The following LTN1 variants were observed in gnomAD, a reference collection of about 807,000 sequenced individuals.
LTN1 encodes the protein E3 ubiquitin-protein ligase listerin.
Under a neutral mutation model 201.2 loss-of-function variants are expected in LTN1, and 88 were observed. The observed-to-expected ratio is 0.44, with a 90% CI of 0.37 to 0.52. The LOEUF (loss-of-function observed/expected upper bound fraction) is 0.52, where lower values mean the gene tolerates loss of function less well. LTN1 is among the 20% of genes least tolerant of loss of function. LTN1 has a pLI of 0.00. For missense variants in LTN1, 1,752 were observed against 2,038.7 expected (o/e 0.86, Z 2.71); for synonymous variants, 645 against 713.5 (o/e 0.90, Z 1.53).
chr21:28,955,752 G>A (rs569713299), intron 16 of LTN1, among the ~76,000 whole-genome samples: 12 of 151,728 alleles, frequency 7.9e-5, no homozygotes, highest in African/African-American at 1.4e-4. Flanking sequence ...GTGAAACCCC[G>A]TCTCTACCAA....
chr21:28,934,627 A>G (rs1053494506), intron 27 of LTN1, among the ~76,000 whole-genome samples: 2 of 151,964 alleles, frequency 1.3e-5, no homozygotes, highest in Admixed American at 6.6e-5. Flanking sequence ...GCTAATTTTT[A>G]TATTTTTTTA....
chr21:28,935,667 C>T (rs1486606188), intron 26 of LTN1, among the ~76,000 whole-genome samples: 1 of 151,780 alleles, frequency 6.6e-6, no homozygotes, highest in African/African-American at 2.4e-5. Flanking sequence ...GGTGAAACCC[C>T]GTCTCTACTA....
At position 28,941,419 on chromosome 21, in the gene LTN1, G is replaced by T. The variant is rs2084296787; in HGVS notation, c.4296-13C>A. 6 of 1,574,698 alleles carry T rather than the reference G, an allele frequency of 3.8e-6. No individual in the cohort carries two copies. The highest frequency in any genetic ancestry group is 5.2e-6 in the Non-Finnish European group (6 of 1,158,452). ...TGCTGGTGGTGACCTAAGAATCAAT[G>T]ATTAAACACCACAAGTTTTCTTTAT... On this transcript the variant is annotated splice_polypyrimidine_tract_variant and intron_variant, in intron 24 of 29. Transcript: ENST00000361371.
At chr21:28,980,265 G>T (rs183336429) in intron 6 of LTN1, among the ~76,000 whole-genome samples, 1 of 151,854 alleles carries the variant, frequency 6.6e-6, no homozygotes, top group Admixed American at 6.6e-5. Context: ...AAGAAAATAT[G>T]AGTTAGATAC....
At chr21:28,947,382 G>T in intron 19 of LTN1, 82 bp downstream of exon 19, 2 of 1,128,534 alleles carry the variant, frequency 1.8e-6, no homozygotes, top group Non-Finnish European at 2.5e-6. Context: ...ACCTCTGCTA[G>T]ATGTGGTCTT....
At chr21:28,969,632 T>C in intron 8 of LTN1, 31 bp from the exon 9 acceptor site, 2 of 1,523,910 alleles carry the variant, frequency 1.3e-6, no homozygotes, top group Non-Finnish European at 1.8e-6. Context: ...GGATTACTCT[T>C]TCATGAAGAA....
At chr21:28,987,156 T>C (rs994899559) in intron 1 of LTN1, among the ~76,000 whole-genome samples, 1 of 152,224 alleles carries the variant, frequency 6.6e-6, no homozygotes, top group African/African-American at 2.4e-5. Context: ...TCTTAAACAT[T>C]AGAATGTTTT....
chr21:28,968,010 A>G (rs2084540886), intron 9 of LTN1: 1 of 152,174 alleles, frequency 6.6e-6, no homozygotes, highest in South Asian at 2.1e-4. Context: ...TGTTTTTTCC[A>G]CTCACAGAAG....
rs111378758 is a variant in LTN1, at chr21:28,960,460, C to A, written c.2353+57G>T. Reference sequence around the variant, plus strand: ...CATAAGCTGAGCCCCATGCAATCCCCCACAAAGGAGAAATGGACTATTCCC... The same window carrying A: ...CATAAGCTGAGCCCCATGCAATCCCACACAAAGGAGAAATGGACTATTCCC... On this transcript the variant is annotated intron_variant, in intron 12 of 29. Transcript: ENST00000361371. 3 of 1,382,330 alleles carry A rather than the reference C, an allele frequency of 2.2e-6. No homozygotes were observed. In the South Asian group the frequency reaches 3.9e-5, roughly 18 times the overall value. 85.6% of individuals were successfully genotyped at this position (1,382,330 alleles called of 1,614,324 possible).
In LTN1 at chr21:28,966,353, A is replaced by G. The variant is rs778589421; in HGVS notation, c.2121+17T>C. On this transcript the variant is annotated intron_variant, in intron 10 of 29. Coordinates refer to ENST00000361371, the MANE Select transcript of LTN1 (RefSeq NM_015565.3). Reference sequence around the variant, plus strand: ...TCTATTATTCAAATAGTTTGAAAAGATATACAACAGGAATACCTTGGTTAG... The same window carrying G: ...TCTATTATTCAAATAGTTTGAAAAGGTATACAACAGGAATACCTTGGTTAG... 7.0e-6 allele frequency: 11 copies of G among 1,564,170 alleles called. No individual in the cohort carries two copies. The highest frequency in any genetic ancestry group is 3.9e-5 in the Admixed American group (2 of 51,852).
At chr21:28,984,130 T>C (rs2084679220) in intron 4 of LTN1, among the ~76,000 whole-genome samples, 1 of 152,164 alleles carries the variant, frequency 6.6e-6, no homozygotes, top group Non-Finnish European at 1.5e-5. Context: ...TGGCCCAACA[T>C]ATGCTTACTA....
At position 28,992,806 on chromosome 21, in the gene LTN1, G is replaced by A. The variant is rs775697379; in HGVS notation, c.-1C>T. 1 of 1,614,080 alleles carries A rather than the reference G, an allele frequency of 6.2e-7. No homozygotes were observed. The highest frequency in any genetic ancestry group is 1.3e-5 in the African/African-American group (1 of 74,948). On this transcript the variant is annotated 5_prime_UTR_variant, in exon 1 of 30. Transcript: ENST00000361371. Reference sequence around the variant, plus strand: ...TTCGCTGCTTGTTCTTCCCGCCCATGGTCGCGGTTGCAGCTGTACTCTGAG... The same window carrying A: ...TTCGCTGCTTGTTCTTCCCGCCCATAGTCGCGGTTGCAGCTGTACTCTGAG...
chr21:28,977,134 G>A (rs2084621136), intron 6 of LTN1, among the ~76,000 whole-genome samples: 1 of 152,176 alleles, frequency 6.6e-6, no homozygotes. Context: ...AGCACTCTGG[G>A]AGGCCGAGGC....
At chr21:28,988,916 G>C (rs1012390511) in intron 1 of LTN1, among the ~76,000 whole-genome samples, 1 of 151,294 alleles carries the variant, frequency 6.6e-6, no homozygotes, top group African/African-American at 2.4e-5. Context: ...AGTGAGTCGA[G>C]ATTGCGCCAT....
rs2084665817 is a variant in LTN1 at position 28,982,370 on chromosome 21, T to G, written c.577-2A>C. On this transcript the variant is annotated splice_acceptor_variant, in intron 4 of 29. Coordinates refer to ENST00000361371, the MANE Select transcript of LTN1 (RefSeq NM_015565.3). LOFTEE classifies it high-confidence loss of function. ...TTTTATAAGATGATCCTGCAGCACC[T>G]ACAAAGGGGGGAAATACCAAAGCCT... is the stretch of plus-strand genomic sequence containing the variant. 6.2e-7 allele frequency: 1 copy of G among 1,612,214 alleles called. No individual in the cohort carries two copies. The highest frequency in any genetic ancestry group is 1.7e-5 in the Admixed American group (1 of 59,986).
intron 19 of LTN1, 46 bp downstream of exon 19, chr21:28,947,418 C>G: frequency 7.0e-7 from 1 of 1,426,604 alleles, no homozygotes; most frequent in Non-Finnish European, 9.3e-7. Flanking sequence ...TTCTTCATCT[C>G]AAGCAATAAT....
chr21:28,992,458 C>T (rs966896256), intron 1 of LTN1, among the ~76,000 whole-genome samples: 3 of 152,188 alleles, frequency 2.0e-5, no homozygotes, highest in Non-Finnish European at 4.4e-5. Flanking sequence ...CCCAACCAAC[C>T]CGCTACCTCG....
chr21:28,980,724 C>T (rs1182402704), intron 6 of LTN1, among the ~76,000 whole-genome samples: 1 of 151,908 alleles, frequency 6.6e-6, no homozygotes, highest in South Asian at 2.1e-4. Flanking sequence ...TAGAAAGTAA[C>T]TACTAAGAAT....
At chr21:28,968,263 T>C (rs924308243) in intron 9 of LTN1, among the ~76,000 whole-genome samples, 2 of 152,164 alleles carry the variant, frequency 1.3e-5, no homozygotes, top group Non-Finnish European at 2.9e-5. Context: ...ATCTTCTGGA[T>C]TTAAGTGTTT....
Sources: allele counts gnomAD v4.1 joint callset (sites outside exome capture counted in the v4.1 genomes callset), GRCh38; gene constraint gnomAD v4.1.1; transcripts MANE v1.5; gene names NCBI Gene and HGNC (gene_info 2026-07-23, HGNC 2026-07-21).